NELL1: variants seen among roughly 807,000 people sequenced by gnomAD.
NELL1 encodes protein kinase C-binding protein NELL1.
Under a neutral mutation model 107.4 loss-of-function variants are expected in NELL1, and 76 were observed. That is an observed-to-expected ratio of 0.71 (90% confidence interval 0.59 to 0.86). The LOEUF (loss-of-function observed/expected upper bound fraction) is 0.86, where lower values mean the gene tolerates loss of function less well. Among genes scored for constraint, NELL1 ranks in the 40% least tolerant of loss-of-function variants. The probability of loss-of-function intolerance (pLI) is 0.00; values close to 1 mark genes in which losing one functional copy is unlikely to be tolerated. For synonymous variants in NELL1, 353 were observed against 341.2 expected (o/e 1.03, Z -0.38); for missense variants, 1,024 against 1,005.5 (o/e 1.02, Z -0.25).
At chr11:20,727,551 G>A (rs4537752) in intron 2 of NELL1, among the ~76,000 whole-genome samples, 24,569 of 152,104 alleles carry the variant, frequency 0.16, 2,348 homozygotes, top group East Asian at 0.34. Context: ...TAGGTTGCCT[G>A]TTCACTCTGA....
intron 12 of NELL1, among the ~76,000 whole-genome samples, chr11:21,028,060 G>A (rs920502365): frequency 6.6e-6 from 1 of 152,130 alleles, no homozygotes; most frequent in Non-Finnish European, 1.5e-5. Flanking sequence ...TTTGTTCGCT[G>A]AAGAACGAGC....
chr11:20,909,512 C>G (rs1232790057), intron 5 of NELL1, among the ~76,000 whole-genome samples: 3 of 152,156 alleles, frequency 2.0e-5, no homozygotes, highest in African/African-American at 7.2e-5. Context: ...ATCTTGGTTT[C>G]AAGGGATGGA....
chr11:21,515,303 A>G (rs1197005529), intron 15 of NELL1, among the ~76,000 whole-genome samples: 2 of 152,130 alleles, frequency 1.3e-5, no homozygotes, highest in Non-Finnish European at 2.9e-5. Flanking sequence ...GGAGTAGCTT[A>G]TTGAAAATTA....
intron 16 of NELL1, among the ~76,000 whole-genome samples, chr11:21,535,085 T>C (rs1332923855): frequency 6.6e-6 from 1 of 152,218 alleles, no homozygotes; most frequent in Non-Finnish European, 1.5e-5. Context: ...AACATTATTG[T>C]TGCTATTACC....
intron 13 of NELL1, among the ~76,000 whole-genome samples, chr11:21,173,765 C>G (rs1011711267): frequency 4.0e-5 from 6 of 150,892 alleles, no homozygotes; most frequent in African/African-American, 1.5e-4. Context: ...GTGTGTGTGT[C>G]TGTGTGTCTG....
intron 15 of NELL1, among the ~76,000 whole-genome samples, chr11:21,404,267 T>C (rs1339935268): frequency 6.6e-6 from 1 of 151,948 alleles, no homozygotes; most frequent in Non-Finnish European, 1.5e-5. Flanking sequence ...TTCCTTTTAC[T>C]GGACCCACAG....
chr11:21,192,173 C>T (rs1857063741), intron 13 of NELL1, among the ~76,000 whole-genome samples: 1 of 151,710 alleles, frequency 6.6e-6, no homozygotes, highest in African/African-American at 2.4e-5. Context: ...GCAGCCTTTG[C>T]TTATAATGTC....
chr11:21,240,599 C>A (rs996390594), intron 14 of NELL1, among the ~76,000 whole-genome samples: 3 of 152,016 alleles, frequency 2.0e-5, no homozygotes, highest in Admixed American at 2.0e-4. Flanking sequence ...GCTGTATTTT[C>A]AGTCTTGAAC....
intron 7 of NELL1, 88 bp from the exon 8 acceptor site, chr11:20,927,220 A>G (rs1334320413): frequency 8.4e-6 from 11 of 1,302,428 alleles, no homozygotes; most frequent in Non-Finnish European, 1.2e-5. Flanking sequence ...TTCTCTTCTC[A>G]GAAGGATTTT....
intron 15 of NELL1, among the ~76,000 whole-genome samples, chr11:21,420,263 T>G (rs1319339374): frequency 1.3e-5 from 2 of 152,140 alleles, no homozygotes; most frequent in African/African-American, 2.4e-5. Flanking sequence ...CACTTAATAG[T>G]ACATTAAATG....
intron 5 of NELL1, among the ~76,000 whole-genome samples, chr11:20,886,261 T>TA (rs900910907): frequency 1.6e-4 from 24 of 151,940 alleles, no homozygotes; most frequent in African/African-American, 4.8e-4. Context: ...AAATTTTTTT[T>TA]AAAAAAACTG....
At chr11:20,872,801 T>C (rs548222863) in intron 4 of NELL1, among the ~76,000 whole-genome samples, 1 of 151,960 alleles carries the variant, frequency 6.6e-6, no homozygotes, top group African/African-American at 2.4e-5. Context: ...ATATATTTTG[T>C]ATGGGTTGTT....
intron 15 of NELL1, among the ~76,000 whole-genome samples, chr11:21,513,669 A>G (rs1227899512): frequency 6.6e-6 from 1 of 152,216 alleles, no homozygotes; most frequent in Non-Finnish European, 1.5e-5. Context: ...AAAGTTGTCA[A>G]GTATTGAGCA....
intron 2 of NELL1, among the ~76,000 whole-genome samples, chr11:20,738,510 G>T (rs527387722): frequency 4.0e-4 from 61 of 152,166 alleles, no homozygotes; most frequent in African/African-American, 1.4e-3. Flanking sequence ...TCAAAATCTG[G>T]GTCACTTTGC....
chr11:21,391,340 A>G (rs1424703098), intron 15 of NELL1, among the ~76,000 whole-genome samples: 1 of 151,650 alleles, frequency 6.6e-6, no homozygotes, highest in Non-Finnish European at 1.5e-5. Context: ...GTGAGCATCT[A>G]TTGTTAAATC....
At chr11:20,803,626 A>G (rs1857322852) in intron 3 of NELL1, among the ~76,000 whole-genome samples, 1 of 152,102 alleles carries the variant, frequency 6.6e-6, no homozygotes, top group Admixed American at 6.6e-5. Context: ...GTTCTTTAAG[A>G]TGCATCATTA....
intron 7 of NELL1, among the ~76,000 whole-genome samples, chr11:20,924,293 G>C (rs905566707): frequency 6.6e-6 from 1 of 152,072 alleles, no homozygotes; most frequent in Non-Finnish European, 1.5e-5. Context: ...GAAGTTCTTT[G>C]AAAAATTAGC....
intron 15 of NELL1, among the ~76,000 whole-genome samples, chr11:21,522,838 T>C (rs566076301): frequency 0.011 from 1,338 of 120,446 alleles, 36 homozygotes; most frequent in East Asian, 0.075. Context: ...TCTTTTCTTT[T>C]TTTTTTTTTT....
At chr11:21,371,996 A>G (rs1447264334) in intron 15 of NELL1, among the ~76,000 whole-genome samples, 1 of 152,108 alleles carries the variant, frequency 6.6e-6, no homozygotes, top group Admixed American at 6.6e-5. Flanking sequence ...TTTTAAAGAC[A>G]TGCCAAAAGG....
Sources: gnomAD v4.1 joint callset for allele counts (sites outside exome capture counted in the v4.1 genomes callset) on GRCh38, gnomAD v4.1.1 for gene constraint, MANE v1.5 for transcripts, NCBI Gene and HGNC (gene_info 2026-07-23, HGNC 2026-07-21) for gene names.